ATP11C: variants seen among roughly 807,000 people sequenced by gnomAD.
ATP11C encodes ATPase phospholipid transporting 11C (ATP11C blood group).
ATP11C carries 36 observed loss-of-function variants against 97.4 expected under a neutral mutation model. That is an observed-to-expected ratio of 0.37 (90% CI 0.28 to 0.49). The LOEUF is 0.49. ATP11C is among the 20% of genes least tolerant of loss of function. The pLI is 0.98. For missense variants in ATP11C, 730 were observed against 824.6 expected (o/e 0.89, Z 1.40); for synonymous variants, 275 against 290.9 (o/e 0.95, Z 0.56).
At chrX:139,781,538 C>T (rs913839200) in intron 18 of ATP11C, among the ~76,000 whole-genome samples, 1 of 111,274 alleles carries the variant, frequency 9.0e-6, no homozygotes, top group African/African-American at 3.3e-5. Flanking sequence ...CATGGCGAAA[C>T]CCCGCCTCTA....
At position 139,796,818 on chromosome X, in the gene ATP11C, A is replaced by G. The variant is rs182073944; in HGVS notation, c.1009-348T>C. Among the ~76,000 whole-genome samples, 71 of 111,647 alleles carry G rather than the reference A, an allele frequency of 6.4e-4. 1 individual carries two copies. Among genetic ancestry groups the G allele is most frequent in the Non-Finnish European group, 8.1e-4 (43 of 53,080 alleles). ...ATGCTTTTATCGTGACATTTCACAT[A>G]CTCCTATTACATTAAAATGTCAAAG... On this transcript the variant is annotated intron_variant, in intron 11 of 29. Coordinates refer to ENST00000682941, the MANE Select transcript of ATP11C (RefSeq NM_001353812.2).
Position 139,816,462 on chromosome X carries a change from G to A in ATP11C, c.318+401C>T. On this transcript the variant is annotated intron_variant, in intron 4 of 29. Transcript: ENST00000682941. Reference sequence around the variant, plus strand: ...CCTACTACCCCCTGAAGCAGTAGAAGGAAAAAACAAGAAAATTAAAGTATT... The same window carrying A: ...CCTACTACCCCCTGAAGCAGTAGAAAGAAAAAACAAGAAAATTAAAGTATT... 1.8e-5 allele frequency among the ~76,000 whole-genome samples: 2 copies of A among 111,933 alleles called. 1 individual carries two copies. The highest frequency in any genetic ancestry group is 7.5e-4 in the South Asian group (2 of 2,679).
rs751604019 is a variant in ATP11C at position 139,798,263 on chromosome X, G to A, written c.857+10C>T. 30 of 1,185,986 alleles carry A rather than the reference G, an allele frequency of 2.5e-5. No individual in the cohort carries two copies. Among genetic ancestry groups the A allele is most frequent in the South Asian group, 1.1e-4 (6 of 53,779 alleles). On this transcript the variant is annotated intron_variant, in intron 10 of 29. Coordinates refer to ENST00000682941, the MANE Select transcript of ATP11C (RefSeq NM_001353812.2). ...CAATAATGACTAAATAAATTGTGGC[G>A]CATACTAACTTTTCAACAGCAGAAC...
intron 2 of ATP11C, among the ~76,000 whole-genome samples, chrX:139,822,761 C>T (rs887534085): frequency 1.0e-4 from 11 of 108,279 alleles, no homozygotes; most frequent in African/African-American, 3.7e-4. Flanking sequence ...GAACCATCTC[C>T]GAGGCTGGTC....
At chrX:139,876,763 T>C (rs1264038507) in intron 1 of ATP11C, among the ~76,000 whole-genome samples, 1 of 112,265 alleles carries the variant, frequency 8.9e-6, no homozygotes, top group Non-Finnish European at 1.9e-5. Flanking sequence ...TGGCATTTGC[T>C]AGAGGAACAG....
chrX:139,784,906 C>A (rs2082541420), intron 16 of ATP11C, among the ~76,000 whole-genome samples: 1 of 111,398 alleles, frequency 9.0e-6, no homozygotes, highest in African/African-American at 3.3e-5. Flanking sequence ...GTAAACATTA[C>A]TGGTAGACTG....
chrX:139,865,775 A>C (rs765425444), intron 1 of ATP11C, among the ~76,000 whole-genome samples: 5 of 111,095 alleles, frequency 4.5e-5, no homozygotes, highest in Non-Finnish European at 9.4e-5. Context: ...AAAAATAAAT[A>C]AATAAATAAA....
At position 139,738,014 on chromosome X, in the gene ATP11C, C is replaced by T; in HGVS notation, c.3190G>A (p.Val1064Ile). The T allele has an allele frequency of 8.3e-7, 1 of 1,204,854 alleles. No homozygotes were observed. The highest frequency in any genetic ancestry group is 1.1e-6 in the Non-Finnish European group (1 of 891,450). ...AGAATTATAGCCAACCATGTGGATACAGAAGACAGCATTTGGGCAAATACA... is the reference window on the plus strand; with the variant it reads ...AGAATTATAGCCAACCATGTGGATATAGAAGACAGCATTTGGGCAAATACA... ...YFVFAQMLSS[V>I]STWLAIILLI... The change falls in exon 28 of 30, where the codon GTA (valine) becomes ATA (isoleucine). Residue 1064 changes from valine (V) to isoleucine (I), a missense_variant. By Grantham distance (29) the Val-to-Ile change is conservative (BLOSUM62 3). Transcript: ENST00000682941.
intron 1 of ATP11C, among the ~76,000 whole-genome samples, chrX:139,883,766 T>C (rs908957929): frequency 9.0e-6 from 1 of 111,568 alleles, no homozygotes; most frequent in Non-Finnish European, 1.9e-5. Context: ...ACAGACTGAA[T>C]ATACAATTGG....
intron 2 of ATP11C, among the ~76,000 whole-genome samples, chrX:139,825,040 T>C (rs1285194509): frequency 1.8e-5 from 2 of 111,664 alleles, no homozygotes; most frequent in African/African-American, 6.5e-5. Context: ...AAGGCCTCCA[T>C]TTAGGAGACA....
chrX:139,747,555 T>A (rs2081716477), intron 24 of ATP11C, among the ~76,000 whole-genome samples: 1 of 111,781 alleles, frequency 8.9e-6, no homozygotes, highest in South Asian at 3.7e-4. Context: ...TTTAAAGCTG[T>A]AGAAGAAACA....
chrX:139,888,138 AT>A lies in ATP11C; in HGVS notation c.27+43877del, dbSNP rs778530689. Among the ~76,000 whole-genome samples the A allele has an allele frequency of 5.5e-3, 556 of 101,835 alleles. 2 individuals are homozygous for A. The highest frequency in any genetic ancestry group is 6.7e-3 in the Non-Finnish European group (331 of 49,566). The allele number at this position is 101,835 out of a possible 115,157, so 88.4% of individuals were successfully genotyped here. A position where few individuals can be genotyped will look rare whatever the true frequency, so the allele number is the denominator to read the frequency against. ...ACACTCAAAGCTGTAAAGCTGTATAATTTTTTTTTTTTTTTGATACAGTCTC... is the reference window on the plus strand; with the variant it reads ...ACACTCAAAGCTGTAAAGCTGTATAATTTTTTTTTTTTTTGATACAGTCTC... On this transcript the variant is annotated intron_variant, in intron 1 of 29. Coordinates refer to ENST00000682941, the MANE Select transcript of ATP11C (RefSeq NM_001353812.2).
intron 1 of ATP11C, among the ~76,000 whole-genome samples, chrX:139,827,675 C>A (rs1459989140): frequency 9.0e-6 from 1 of 111,533 alleles, no homozygotes; most frequent in Admixed American, 9.5e-5. Flanking sequence ...ATGACAGAAA[C>A]AAATACCCAT....
intron 13 of ATP11C, 97 bp downstream of exon 13, chrX:139,789,230 C>A: frequency 1.5e-6 from 1 of 679,441 alleles, no homozygotes; most frequent in Non-Finnish European, 2.1e-6. Context: ...ACACAAAAGT[C>A]TATGTCATGT....
At chrX:139,896,543 T>TTA (rs2084807481) in intron 1 of ATP11C, among the ~76,000 whole-genome samples, 1 of 70,501 alleles carries the variant, frequency 1.4e-5, no homozygotes, top group Non-Finnish European at 2.6e-5. Flanking sequence ...TCAGTTAATT[T>TTA]TATACACACA....
chrX:139,833,114 G>T (rs1236565838), intron 1 of ATP11C, among the ~76,000 whole-genome samples: 1 of 112,061 alleles, frequency 8.9e-6, no homozygotes, highest in Non-Finnish European at 1.9e-5. Flanking sequence ...CAGTGATAGT[G>T]TCATTACTAT....
chrX:139,876,955 T>C (rs1239858186), intron 1 of ATP11C, among the ~76,000 whole-genome samples: 1 of 112,481 alleles, frequency 8.9e-6, no homozygotes, highest in African/African-American at 3.2e-5. Context: ...GACTGGGCAG[T>C]ATTAAGGGGC....
intron 20 of ATP11C, among the ~76,000 whole-genome samples, chrX:139,767,104 C>T (rs186753888): frequency 1.1e-3 from 121 of 111,540 alleles, no homozygotes; most frequent in African/African-American, 3.5e-3. Flanking sequence ...GAGCCCCAGG[C>T]GCCACATTCA....
intron 2 of ATP11C, among the ~76,000 whole-genome samples, chrX:139,824,692 C>A (rs773156195): frequency 9.0e-6 from 1 of 110,836 alleles, no homozygotes; most frequent in Non-Finnish European, 1.9e-5. Flanking sequence ...GTCTCCCCCC[C>A]ACAAAAAAAG....
Sources: gnomAD v4.1 joint callset for allele counts (sites outside exome capture counted in the v4.1 genomes callset) on GRCh38, gnomAD v4.1.1 for gene constraint, MANE v1.5 for transcripts, NCBI Gene and HGNC (gene_info 2026-07-23, HGNC 2026-07-21) for gene names.